The following CRYBG1 variants were observed in gnomAD, a reference collection of about 807,000 sequenced individuals.
CRYBG1 encodes crystallin beta-gamma domain containing 1.
In CRYBG1, 139 loss-of-function variants were observed where a neutral mutation model predicts 189.2. The observed-to-expected ratio is 0.73, with a 90% CI of 0.64 to 0.85. The LOEUF (loss-of-function observed/expected upper bound fraction) is 0.85, where lower values mean the gene tolerates loss of function less well. Among genes scored for constraint, CRYBG1 ranks in the 40% least tolerant of loss-of-function variants. The pLI, the probability that CRYBG1 is intolerant of heterozygous loss-of-function variation, is 0.00. For synonymous variants in CRYBG1, 1,023 were observed against 1,017.1 expected, an observed-to-expected ratio of 1.01 and a Z score of -0.11; for missense variants, 2,611 against 2,675.8, an observed-to-expected ratio of 0.98 and a Z score of 0.53.
At chr6:106,500,361 A>C (rs1412517981) in intron 2 of CRYBG1, among the ~76,000 whole-genome samples, 1 of 151,942 alleles carries the variant, frequency 6.6e-6, no homozygotes, top group Non-Finnish European at 1.5e-5. Flanking sequence ...AACAGGTGTG[A>C]AGTGATAGTT....
intron 2 of CRYBG1, among the ~76,000 whole-genome samples, chr6:106,453,513 G>C (rs1010893169): frequency 2.8e-4 from 43 of 151,848 alleles, no homozygotes; most frequent in African/African-American, 1.0e-3. Context: ...TTAACTAGGG[G>C]AAAAAAAACC....
intron 1 of CRYBG1, among the ~76,000 whole-genome samples, chr6:106,385,836 G>A (rs1445293641): frequency 2.0e-5 from 3 of 152,120 alleles, no homozygotes; most frequent in Admixed American, 2.0e-4. Context: ...TTAGCAGCAG[G>A]CAGGATCAAC....
At chr6:106,376,799 T>C (rs1316473350) in intron 1 of CRYBG1, among the ~76,000 whole-genome samples, 1 of 152,200 alleles carries the variant, frequency 6.6e-6, no homozygotes, top group Non-Finnish European at 1.5e-5. Context: ...AGAACCTGGC[T>C]GACATCTGAA....
At chr6:106,452,431 A>G (rs1771803357) in intron 2 of CRYBG1, among the ~76,000 whole-genome samples, 1 of 151,798 alleles carries the variant, frequency 6.6e-6, no homozygotes, top group African/African-American at 2.4e-5. Flanking sequence ...CAAAAAAAAA[A>G]AAAAAAAGAA....
rs1038523194 is a variant in CRYBG1 at position 106,519,586 on chromosome 6, C to T, written c.2378C>T (p.Ala793Val). The T allele has an allele frequency of 1.2e-6, 2 of 1,614,186 alleles. No individual in the cohort carries two copies. The highest frequency in any genetic ancestry group is 8.5e-7 in the Non-Finnish European group (1 of 1,180,018). The change falls in exon 4 of 22, where the codon GCT becomes GTT. Residue 793 changes from alanine (A) to valine (V), a missense_variant. By Grantham distance (64) the Ala-to-Val change is moderately conservative (BLOSUM62 0). This residue lies in a region of CRYBG1 where 1,622 missense variants were observed against 1,735.0 expected (regional missense o/e 0.93). Transcript: ENST00000633556. ...QDDKADVQTD[A>V]GCLSEPVASA... ...GATAAAGCAGATGTACAAACAGATG[C>T]TGGCTGCCTTTCAGAACCAGTGGCT...
intron 1 of CRYBG1, among the ~76,000 whole-genome samples, chr6:106,385,161 C>G (rs939899453): frequency 6.6e-6 from 1 of 152,098 alleles, no homozygotes; most frequent in African/African-American, 2.4e-5. Flanking sequence ...TGAAACAGCT[C>G]TCATAACAAA....
intron 1 of CRYBG1, among the ~76,000 whole-genome samples, chr6:106,425,725 A>G (rs1771212762): frequency 6.6e-6 from 1 of 152,086 alleles, no homozygotes; most frequent in Admixed American, 6.5e-5. Flanking sequence ...TCCGCCTCCC[A>G]GGTTCAAGCA....
At chr6:106,544,146 G>A (rs951013436) in intron 11 of CRYBG1, among the ~76,000 whole-genome samples, 5 of 152,192 alleles carry the variant, frequency 3.3e-5, no homozygotes, top group Admixed American at 6.5e-5. Context: ...TTGATAGTTC[G>A]CTTTCTGATT....
At chr6:106,488,665 C>A (rs1772646932) in intron 2 of CRYBG1, among the ~76,000 whole-genome samples, 2 of 152,098 alleles carry the variant, frequency 1.3e-5, no homozygotes, top group African/African-American at 2.4e-5. Context: ...GGGGTGGGTG[C>A]CTGTGGGCCT....
intron 18 of CRYBG1, among the ~76,000 whole-genome samples, chr6:106,559,895 G>T (rs1774660352): frequency 6.6e-6 from 1 of 152,040 alleles, no homozygotes; most frequent in African/African-American, 2.4e-5. Context: ...AGCAGTTCCA[G>T]ACAAGCCTGG....
chr6:106,441,148 A>G (rs1771558790), intron 1 of CRYBG1, among the ~76,000 whole-genome samples: 1 of 152,192 alleles, frequency 6.6e-6, no homozygotes, highest in South Asian at 2.1e-4. Context: ...CCAAGCAAAG[A>G]CATATAAATA....
intron 1 of CRYBG1, among the ~76,000 whole-genome samples, chr6:106,400,736 C>A (rs1376349641): frequency 6.6e-6 from 1 of 152,118 alleles, no homozygotes; most frequent in African/African-American, 2.4e-5. Flanking sequence ...GTGAGATAGA[C>A]AGACACTATT....
chr6:106,544,044 C>T (rs1774201943), intron 11 of CRYBG1, among the ~76,000 whole-genome samples: 1 of 152,210 alleles, frequency 6.6e-6, no homozygotes, highest in African/African-American at 2.4e-5. Flanking sequence ...AAGAGCGAAA[C>T]TCTGTCAAGG....
intron 3 of CRYBG1, among the ~76,000 whole-genome samples, chr6:106,516,698 G>A (rs1773431039): frequency 6.6e-6 from 1 of 152,206 alleles, no homozygotes; most frequent in African/African-American, 2.4e-5. Flanking sequence ...GAAAGAACCA[G>A]AGGAGCTCAT....
chr6:106,391,958 TGTGTG>T (rs1770514198), intron 1 of CRYBG1, among the ~76,000 whole-genome samples: 4 of 65,050 alleles, frequency 6.1e-5, no homozygotes, highest in African/African-American at 2.5e-4. Context: ...TGTGTGTGTG[TGTGTG>T]TGTGTGTGCG....
intron 1 of CRYBG1, among the ~76,000 whole-genome samples, chr6:106,362,205 A>G (rs989771782): frequency 2.6e-5 from 4 of 151,294 alleles, no homozygotes; most frequent in African/African-American, 4.9e-5. Context: ...TCCTGACCTC[A>G]TGATCCGCCC....
At chr6:106,374,327 G>A (rs1027242219) in intron 1 of CRYBG1, among the ~76,000 whole-genome samples, 1 of 152,204 alleles carries the variant, frequency 6.6e-6, no homozygotes, top group Non-Finnish European at 1.5e-5. Context: ...GCTAAGGTGG[G>A]AGGATTGCTT....
intron 13 of CRYBG1, among the ~76,000 whole-genome samples, chr6:106,545,557 C>G (rs1485317149): frequency 1.3e-5 from 2 of 152,232 alleles, no homozygotes; most frequent in African/African-American, 4.8e-5. Flanking sequence ...TGCCTAGATG[C>G]AGCGGATCAA....
At chr6:106,565,363 AT>A (rs1323930356) in intron 21 of CRYBG1, among the ~76,000 whole-genome samples, 1 of 151,888 alleles carries the variant, frequency 6.6e-6, no homozygotes, top group Admixed American at 6.6e-5. Flanking sequence ...CTGTAATCTG[AT>A]TTTTAAAAAA....
Sources: allele counts gnomAD v4.1 joint callset (sites outside exome capture counted in the v4.1 genomes callset), GRCh38; gene constraint gnomAD v4.1.1; regional missense constraint gnomAD v4.1.1; transcripts MANE v1.5; gene names NCBI Gene and HGNC (gene_info 2026-07-23, HGNC 2026-07-21).